The following EPHA6 variants were observed in gnomAD, a reference collection of about 807,000 sequenced individuals.
EPHA6 encodes the protein ephrin type-A receptor 6.
A neutral mutation model predicts 112.0 loss-of-function variants in EPHA6; 50 were observed. The observed-to-expected ratio is 0.45, with a 90% CI of 0.36 to 0.56. The LOEUF is 0.56. Among genes scored for constraint, EPHA6 ranks in the 20% least tolerant of loss-of-function variants. The pLI is 0.00. For synonymous variants in EPHA6, 529 were observed against 490.7 expected, an observed-to-expected ratio of 1.08 and a Z score of -1.03; for missense variants, 1,280 against 1,417.4, an observed-to-expected ratio of 0.90 and a Z score of 1.56.
intron 5 of EPHA6, among the ~76,000 whole-genome samples, chr3:97,278,914 A>G (rs2080191879): frequency 6.6e-6 from 1 of 152,222 alleles, no homozygotes; most frequent in Admixed American, 6.5e-5. Flanking sequence ...GGCAGGACAA[A>G]AACACATACG....
chr3:97,309,285 A>C (rs1405212713), intron 5 of EPHA6, among the ~76,000 whole-genome samples: 1 of 151,680 alleles, frequency 6.6e-6, no homozygotes, highest in Non-Finnish European at 1.5e-5. Context: ...ATTGGAAAGA[A>C]CACTGGACAA....
intron 3 of EPHA6, among the ~76,000 whole-genome samples, chr3:97,158,043 G>T (rs1484891781): frequency 6.6e-6 from 1 of 152,038 alleles, no homozygotes; most frequent in Admixed American, 6.6e-5. Flanking sequence ...CAATAACAAG[G>T]TCATGTTTCC....
chr3:96,873,274 A>C (rs1037274692), intron 2 of EPHA6, among the ~76,000 whole-genome samples: 1 of 152,006 alleles, frequency 6.6e-6, no homozygotes, highest in Non-Finnish European at 1.5e-5. Context: ...AGAAAAAAAA[A>C]AAAAGTTATG....
At chr3:97,032,308 G>A (rs1210984320) in intron 3 of EPHA6, among the ~76,000 whole-genome samples, 1 of 152,048 alleles carries the variant, frequency 6.6e-6, no homozygotes, top group Non-Finnish European at 1.5e-5. Context: ...TGGGGTGGGA[G>A]AAGAGGGGAG....
intron 4 of EPHA6, among the ~76,000 whole-genome samples, chr3:97,235,624 A>G (rs186491266): frequency 2.0e-4 from 30 of 152,238 alleles, no homozygotes; most frequent in African/African-American, 7.2e-4. Flanking sequence ...AAATTATTAG[A>G]AAGTATTATT....
intron 2 of EPHA6, among the ~76,000 whole-genome samples, chr3:96,934,045 T>TA (rs1168611663): frequency 1.9e-4 from 29 of 152,000 alleles, no homozygotes; most frequent in African/African-American, 6.5e-4. Context: ...ACCAAAATAA[T>TA]TGGTTCATAT....
intron 15 of EPHA6, among the ~76,000 whole-genome samples, chr3:97,731,649 CTA>C (rs2035041270): frequency 1.3e-5 from 2 of 152,100 alleles, no homozygotes; most frequent in African/African-American, 4.8e-5. Context: ...GCTTTCTTAC[CTA>C]TGTGTATAAT....
intron 10 of EPHA6, among the ~76,000 whole-genome samples, chr3:97,485,937 A>G (rs1304768578): frequency 6.6e-6 from 1 of 152,224 alleles, no homozygotes; most frequent in East Asian, 1.9e-4. Flanking sequence ...ACAAAATGCC[A>G]GTGTCTGAAA....
intron 5 of EPHA6, among the ~76,000 whole-genome samples, chr3:97,404,386 T>C (rs2109124049): frequency 6.6e-6 from 1 of 152,320 alleles, no homozygotes; most frequent in South Asian, 2.1e-4. Context: ...ATTTGGATTT[T>C]ATTTTTTCTG....
intron 14 of EPHA6, among the ~76,000 whole-genome samples, chr3:97,699,616 A>G (rs932844955): frequency 1.3e-5 from 2 of 152,230 alleles, no homozygotes; most frequent in Non-Finnish European, 2.9e-5. Flanking sequence ...GTGGGTAGAG[A>G]AACATAGGAC....
chr3:96,972,433 A>G (rs1336142831), intron 2 of EPHA6, among the ~76,000 whole-genome samples: 3 of 123,090 alleles, frequency 2.4e-5, no homozygotes, highest in Non-Finnish European at 3.6e-5. Flanking sequence ...AAACACACAC[A>G]CACACACACA....
intron 11 of EPHA6, among the ~76,000 whole-genome samples, chr3:97,534,898 G>A (rs2092742475): frequency 6.6e-6 from 1 of 151,992 alleles, no homozygotes; most frequent in Admixed American, 6.6e-5. Context: ...GTCCTCTGAT[G>A]TGTGTTTATG....
At chr3:97,671,255 C>T (rs2030791786) in intron 14 of EPHA6, among the ~76,000 whole-genome samples, 1 of 152,150 alleles carries the variant, frequency 6.6e-6, no homozygotes, top group African/African-American at 2.4e-5. Context: ...AGTTCACAAG[C>T]AGTCACTTTA....
intron 5 of EPHA6, among the ~76,000 whole-genome samples, chr3:97,326,566 A>G (rs2082433378): frequency 6.6e-6 from 1 of 152,062 alleles, no homozygotes; most frequent in Non-Finnish European, 1.5e-5. Flanking sequence ...AATTAATGAC[A>G]TTTCCTTAGA....
chr3:96,972,031 T>G (rs1576207454), intron 2 of EPHA6, among the ~76,000 whole-genome samples: 1 of 152,192 alleles, frequency 6.6e-6, no homozygotes, highest in East Asian at 1.9e-4. Context: ...TATCTTTAAA[T>G]TGTCTTTTAC....
intron 2 of EPHA6, among the ~76,000 whole-genome samples, chr3:96,986,014 G>C (rs2043008949): frequency 6.6e-6 from 1 of 152,024 alleles, no homozygotes; most frequent in Admixed American, 6.6e-5. Context: ...GTTGTTTTCA[G>C]TATACTCTAA....
intron 10 of EPHA6, among the ~76,000 whole-genome samples, chr3:97,529,223 A>T (rs1318984618): frequency 2.6e-5 from 4 of 152,156 alleles, no homozygotes. Flanking sequence ...GGTTCAAATG[A>T]CAACACTACC....
intron 2 of EPHA6, among the ~76,000 whole-genome samples, chr3:96,949,552 A>G (rs1175124985): frequency 1.3e-5 from 2 of 152,166 alleles, no homozygotes; most frequent in African/African-American, 2.4e-5. Flanking sequence ...ATCTATTAGC[A>G]CATGAAATTA....
intron 2 of EPHA6, among the ~76,000 whole-genome samples, chr3:96,884,119 T>C (rs1414852974): frequency 6.6e-6 from 1 of 152,236 alleles, no homozygotes; most frequent in Non-Finnish European, 1.5e-5. Flanking sequence ...TTGGTGACTA[T>C]GGCCTTACAG....
Sources: allele counts gnomAD v4.1 joint callset (sites outside exome capture counted in the v4.1 genomes callset), GRCh38; gene constraint gnomAD v4.1.1; transcripts MANE v1.5; gene names NCBI Gene and HGNC (gene_info 2026-07-23, HGNC 2026-07-21).